The following ZNF324B variants were observed in gnomAD, a reference collection of about 807,000 sequenced individuals.
The protein encoded by ZNF324B is zinc finger protein 324B.
Under a neutral mutation model 10.6 loss-of-function variants are expected in ZNF324B, and 7 were observed. That is an observed-to-expected ratio of 0.66 (90% CI 0.38 to 1.24). The LOEUF is 1.24. Ranked by LOEUF, ZNF324B falls within the 50% of genes most tolerant of loss-of-function variation. ZNF324B has a pLI of 0.02. For synonymous variants in ZNF324B, 316 were observed against 321.0 expected, an observed-to-expected ratio of 0.98 and a Z score of 0.17; for missense variants, 640 against 764.7, an observed-to-expected ratio of 0.84 and a Z score of 1.92.
intron 1 of ZNF324B, chr19:58,452,255 GCT>G (rs1337768388): frequency 1.3e-5 from 2 of 151,250 alleles, no homozygotes; most frequent in East Asian, 3.9e-4. Flanking sequence ...GGGACTGAGC[GCT>G]CTCGATGTGG....
the ZNF324B span, among the ~76,000 whole-genome samples, chr19:58,438,004 T>C: frequency 5.6e-4 from 86 of 152,320 alleles, 1 homozygote; most frequent in East Asian, 0.013. Context: ...GCTTGGGGAC[T>C]CAGCTTAGGC....
chr19:58,438,714 C>A, the ZNF324B span, among the ~76,000 whole-genome samples: 1 of 151,700 alleles, frequency 6.6e-6, no homozygotes, highest in Non-Finnish European at 1.5e-5. Context: ...ACCTAGTGAT[C>A]CACCTGCCTC....
chr19:58,437,670 C>G, the ZNF324B span: 3 of 974,448 alleles, frequency 3.1e-6, no homozygotes, highest in Non-Finnish European at 3.7e-6. Flanking sequence ...TTTCCAACCC[C>G]TCCCTGTTCA....
the ZNF324B span, chr19:58,436,315 C>T: frequency 3.9e-5 from 6 of 154,392 alleles, no homozygotes; most frequent in Non-Finnish European, 8.7e-5. Context: ...AATCACTAGA[C>T]TGTGTACTTT....
chr19:58,450,106 C>T (rs937257288), upstream of ZNF324B, among the ~76,000 whole-genome samples: 9 of 152,118 alleles, frequency 5.9e-5, no homozygotes, highest in Admixed American at 1.3e-4. Flanking sequence ...GAGTAAGTCT[C>T]ACGAGATCTG....
At chr19:58,436,667 CAA>C in the ZNF324B span, among the ~76,000 whole-genome samples, 17 of 65,546 alleles carry the variant, frequency 2.6e-4, no homozygotes, top group East Asian at 6.2e-4. Context: ...GACTCCATCT[CAA>C]AAAAAAAAAA....
At chr19:58,432,694 C>A in the ZNF324B span, 1 of 174,406 alleles carries the variant, frequency 5.7e-6, no homozygotes, top group Non-Finnish European at 1.2e-5. Flanking sequence ...TACAACAGGA[C>A]AGAGCAACTA....
chr19:58,421,852 T>G, the ZNF324B span, among the ~76,000 whole-genome samples: 1 of 152,298 alleles, frequency 6.6e-6, no homozygotes, highest in East Asian at 1.9e-4. Context: ...ACTGGAAGTC[T>G]CAATATTAGT....
chr19:58,423,430 G>T, the ZNF324B span, among the ~76,000 whole-genome samples: 1 of 152,200 alleles, frequency 6.6e-6, no homozygotes, highest in Non-Finnish European at 1.5e-5. Context: ...AAAGTGCTGG[G>T]ATTGCAGGCA....
At chr19:58,427,349 C>CTTTCTTTCTTTCCTT in the ZNF324B span, among the ~76,000 whole-genome samples, 48 of 55,998 alleles carry the variant, frequency 8.6e-4, no homozygotes, top group Admixed American at 5.7e-3. Flanking sequence ...CTTTCTCTTT[C>CTTTCTTTCTTTCCTT]CTTTCTTTCT....
At chr19:58,420,704 CTTTTA>C in the ZNF324B span, among the ~76,000 whole-genome samples, 4 of 151,748 alleles carry the variant, frequency 2.6e-5, no homozygotes, top group South Asian at 2.1e-4. Context: ...CTTATACCCA[CTTTTA>C]TTTTATTTTA....
Position 58,455,480 on chromosome 19 carries a change from T to A in ZNF324B, c.536T>A (p.Phe179Tyr), listed in dbSNP as rs764623367. 8 of 1,613,988 alleles carry A rather than the reference T, an allele frequency of 5.0e-6. No homozygotes were observed. Among genetic ancestry groups the A allele is most frequent in the South Asian group, 1.1e-5 (1 of 91,066 alleles). ...AGCAGCCGGCCCAGGGAAAAGACCT[T>A]CACAGAGTACCGGGTGCCTGGGAGG... ...PKSSRPREKT[F>Y]TEYRVPGRQP... The change falls in exon 4 of 4, where the codon TTC (phenylalanine) becomes TAC (tyrosine). Residue 179 changes from phenylalanine (F) to tyrosine (Y), a missense_variant. Physicochemically the swap from Phe to Tyr is conservative, Grantham distance 22. Transcript: ENST00000336614. This position sits in a 1 kb window ranked among gnomAD's most constrained non-coding sequence, Gnocchi z 7.0.
chr19:58,448,045 C>G (rs116344098), upstream of ZNF324B, among the ~76,000 whole-genome samples: 780 of 152,294 alleles, frequency 5.1e-3, 6 homozygotes, highest in African/African-American at 0.018. Flanking sequence ...ATAAATTACC[C>G]AGTCTCAAGT....
the ZNF324B span, among the ~76,000 whole-genome samples, chr19:58,431,342 A>G: frequency 0.22 from 33,346 of 152,176 alleles, 4,192 homozygotes; most frequent in East Asian, 0.41. Context: ...TGACATTCAC[A>G]TAGGCAGGGA....
the ZNF324B span, among the ~76,000 whole-genome samples, chr19:58,431,839 A>G: frequency 6.6e-6 from 1 of 152,124 alleles, no homozygotes; most frequent in Non-Finnish European, 1.5e-5. Context: ...AAAATACAAA[A>G]AAATTAGCTG....
the ZNF324B span, among the ~76,000 whole-genome samples, chr19:58,427,349 C>CCTTTCTTTCTTT: frequency 1.8e-5 from 1 of 56,012 alleles, no homozygotes; most frequent in East Asian, 8.8e-4. Context: ...CTTTCTCTTT[C>CCTTTCTTTCTTT]CTTTCTTTCT....
At chr19:58,419,367 T>G in the ZNF324B span, 1 of 152,146 alleles carries the variant, frequency 6.6e-6, no homozygotes, top group Non-Finnish European at 1.5e-5. Context: ...AGGGGCCTGT[T>G]GGGTAGAGTA....
At chr19:58,435,018 G>T in the ZNF324B span, 1 of 1,614,202 alleles carries the variant, frequency 6.2e-7, no homozygotes, top group Non-Finnish European at 8.5e-7. Flanking sequence ...CTCCACATGT[G>T]TAGGGTTTCT....
the ZNF324B span, among the ~76,000 whole-genome samples, chr19:58,424,085 CAA>C: frequency 2.2e-5 from 3 of 136,748 alleles, no homozygotes; most frequent in Non-Finnish European, 3.2e-5. Flanking sequence ...ACTAAAAATA[CAA>C]AAAAAAAAAA....
Sources: gnomAD v4.1 joint callset for allele counts (sites outside exome capture counted in the v4.1 genomes callset) on GRCh38, gnomAD v4.1.1 for gene constraint, Gnocchi (gnomAD v3.1) non-coding constraint, MANE v1.5 for transcripts, NCBI Gene and HGNC (gene_info 2026-07-23, HGNC 2026-07-21) for gene names.